Variants in SRFBP1 observed in about 807,000 individuals in gnomAD.
SRFBP1 encodes serum response factor binding protein 1.
In SRFBP1, 47 loss-of-function variants were observed where a neutral mutation model predicts 45.5. That is an observed-to-expected ratio of 1.03 (90% confidence interval 0.82 to 1.32). SRFBP1 has a LOEUF of 1.32. Ranked by LOEUF, SRFBP1 falls within the 40% of genes most tolerant of loss-of-function variation. The pLI is 0.00. For missense variants in SRFBP1, 621 were observed against 484.6 expected (o/e 1.28, Z -2.64); for synonymous variants, 203 against 166.3 (o/e 1.22, Z -1.70).
intron 4 of SRFBP1, among the ~76,000 whole-genome samples, chr5:122,001,585 C>T (rs1451779051): frequency 1.5e-3 from 196 of 127,256 alleles, no homozygotes; most frequent in Non-Finnish European, 2.4e-3. Flanking sequence ...GACGGAGTCT[C>T]GCTCTGTCGC....
At chr5:121,972,282 T>C (rs1580498640) in intron 1 of SRFBP1, among the ~76,000 whole-genome samples, 1 of 152,020 alleles carries the variant, frequency 6.6e-6, no homozygotes, top group South Asian at 2.1e-4. Flanking sequence ...GGAAGATGGG[T>C]CATGGAAGTA....
At chr5:121,985,415 C>G (rs1752490933) in intron 3 of SRFBP1, among the ~76,000 whole-genome samples, 1 of 150,566 alleles carries the variant, frequency 6.6e-6, no homozygotes, top group South Asian at 2.1e-4. Flanking sequence ...TTGTTAGTTT[C>G]TATTCATGAA....
chr5:121,992,884 C>T (rs966065089), intron 3 of SRFBP1, among the ~76,000 whole-genome samples: 2 of 151,036 alleles, frequency 1.3e-5, no homozygotes, highest in Non-Finnish European at 3.0e-5. Flanking sequence ...AAAAGTAAAA[C>T]AGTGAATGAG....
At chr5:122,008,267 C>T (rs1235622863) in intron 4 of SRFBP1, among the ~76,000 whole-genome samples, 3 of 151,714 alleles carry the variant, frequency 2.0e-5, no homozygotes, top group African/African-American at 7.3e-5. Context: ...TTGGGACAAC[C>T]GAGAGACACA....
chr5:121,994,759 G>A, intron 4 of SRFBP1, 89 bp downstream of exon 4: 1 of 828,886 alleles, frequency 1.2e-6, no homozygotes. Context: ...TTACCAAGAA[G>A]TCATGCTATT....
At chr5:122,051,733 G>A (rs928126485) in intron 2 of SRFBP1, among the ~76,000 whole-genome samples, 1 of 151,552 alleles carries the variant, frequency 6.6e-6, no homozygotes, top group Non-Finnish European at 1.5e-5. Flanking sequence ...CTTTTAATTG[G>A]GGCATTTAGC....
chr5:122,014,802 A>G (rs1256934902), intron 4 of SRFBP1, among the ~76,000 whole-genome samples: 1 of 152,216 alleles, frequency 6.6e-6, no homozygotes, highest in African/African-American at 2.4e-5. Flanking sequence ...AAGTATTACC[A>G]CTGCTCTTCT....
chr5:122,075,607 T>C (rs372703155), downstream of SRFBP1: 149 of 1,089,776 alleles, frequency 1.4e-4, 1 homozygote, highest in African/African-American at 2.2e-3. Context: ...AAACTACAAA[T>C]AAAACATCCA....
chr5:122,029,228 A>C (rs187004785), downstream of SRFBP1, among the ~76,000 whole-genome samples: 1 of 152,066 alleles, frequency 6.6e-6, no homozygotes, highest in African/African-American at 2.4e-5. Context: ...TATAGCCCAA[A>C]ATGTTAACAG....
At chr5:121,995,993 A>G (rs1221805122) in intron 4 of SRFBP1, among the ~76,000 whole-genome samples, 1 of 152,124 alleles carries the variant, frequency 6.6e-6, no homozygotes, top group African/African-American at 2.4e-5. Context: ...TAGACCAATA[A>G]CAGGAGCTGA....
chr5:121,972,294 A>T (rs1752216177), intron 1 of SRFBP1, among the ~76,000 whole-genome samples: 1 of 151,930 alleles, frequency 6.6e-6, no homozygotes, highest in South Asian at 2.1e-4. Flanking sequence ...ATGGAAGTAC[A>T]TTTGCATTCA....
chr5:122,070,277 G>T (rs1319106192), intron 2 of SRFBP1: 4 of 723,688 alleles, frequency 5.5e-6, no homozygotes, highest in Non-Finnish European at 9.8e-6. Context: ...TTTAACTTAA[G>T]TAAGTGGTTA....
chr5:122,026,960 C>T lies in SRFBP1; in HGVS notation c.1124C>T (p.Pro375Leu), dbSNP rs756287703. 9 of 1,609,012 alleles carry T rather than the reference C, an allele frequency of 5.6e-6. No homozygotes were observed. Among genetic ancestry groups the T allele is most frequent in the Non-Finnish European group, 6.8e-6 (8 of 1,177,952 alleles). Residue 375 changes from proline (P) to leucine (L), a missense_variant, in exon 8 of 8, where the codon CCT becomes CTT. Coordinates refer to ENST00000339397, the MANE Select transcript of SRFBP1 (RefSeq NM_152546.3). The part of the protein sequence containing the change: ...TRSLDFPQNE[P>L]QIKNQFNKKL... ...TTCCTAGATTTTCCACAGAATGAGC[C>T]TCAGATCAAGAATCAGTTTAATAAG...
rs10650287 is a variant in SRFBP1, at chr5:122,068,174, TAAAAAAAA to T, written n.312-7125_312-7118del. 2.6e-5 allele frequency among the ~76,000 whole-genome samples: 3 copies of T among 115,880 alleles called. No individual in the cohort carries two copies. The South Asian group carries it at 9.2e-4, about 36-fold the overall frequency. The allele number at this position is 115,880 out of a possible 152,430, so 76.0% of individuals were successfully genotyped here. A position where few individuals can be genotyped will look rare whatever the true frequency, so the allele number is the denominator to read the frequency against. ...GTTTGTTACAGTCAGTAATAACTAGTAAAAAAAAAAAAAAAAAAAAAAATTCAACTCTA... is the reference window on the plus strand; with the variant it reads ...GTTTGTTACAGTCAGTAATAACTAGTAAAAAAAAAAAAAAATTCAACTCTA... On this transcript the variant is annotated intron_variant and non_coding_transcript_variant, in intron 2 of 2. Coordinates refer to the SRFBP1 transcript ENST00000504881.
chr5:121,970,453 G>A (rs1195900170), intron 1 of SRFBP1, among the ~76,000 whole-genome samples: 1 of 151,820 alleles, frequency 6.6e-6, no homozygotes, highest in South Asian at 2.1e-4. Flanking sequence ...GCAGTTCATC[G>A]CTTGCTATTA....
At chr5:122,041,887 T>G (rs1753779719) in intron 2 of SRFBP1, among the ~76,000 whole-genome samples, 2 of 152,198 alleles carry the variant, frequency 1.3e-5, no homozygotes, top group Non-Finnish European at 2.9e-5. Context: ...ATTTCTGACT[T>G]TAATGGGAAT....
At chr5:121,981,828 A>T (rs1442044080) in intron 3 of SRFBP1, among the ~76,000 whole-genome samples, 1 of 151,982 alleles carries the variant, frequency 6.6e-6, no homozygotes, top group Admixed American at 6.6e-5. Flanking sequence ...GTCTGCTTTC[A>T]TGCCATTCCT....
intron 2 of SRFBP1, among the ~76,000 whole-genome samples, chr5:122,046,697 C>A (rs1280356606): frequency 6.6e-6 from 1 of 152,218 alleles, no homozygotes; most frequent in Non-Finnish European, 1.5e-5. Flanking sequence ...TCCACATCCT[C>A]TCCAGCACCT....
In SRFBP1 at chr5:122,020,371, T is replaced by A. The variant is rs1174230466; in HGVS notation, c.636T>A (p.Ser212=). The A allele has an allele frequency of 1.9e-6, 3 of 1,614,020 alleles. No individual in the cohort carries two copies. Among genetic ancestry groups the A allele is most frequent in the Non-Finnish European group, 2.5e-6 (3 of 1,180,006 alleles). Residue 212 remains serine (S), a synonymous_variant, in exon 6 of 8, where the codon TCT becomes TCA. Coordinates refer to ENST00000339397, the MANE Select transcript of SRFBP1 (RefSeq NM_152546.3). The part of the protein sequence containing the change: ...NSPSKPSEKD[S]VVSLESQKTP... Reference sequence around the variant, plus strand: ...CATCAAAGCCTTCAGAAAAGGATTCTGTAGTTTCCCTTGAGTCCCAGAAGA... The same window carrying A: ...CATCAAAGCCTTCAGAAAAGGATTCAGTAGTTTCCCTTGAGTCCCAGAAGA...
Sources: gnomAD v4.1 joint callset for allele counts (sites outside exome capture counted in the v4.1 genomes callset) on GRCh38, gnomAD v4.1.1 for gene constraint, MANE v1.5 for transcripts, NCBI Gene and HGNC (gene_info 2026-07-23, HGNC 2026-07-21) for gene names.